COL4A6: variants seen among roughly 807,000 people sequenced by gnomAD.
COL4A6 encodes collagen type IV alpha 6 chain, also known as collagen alpha-6(IV) chain.
COL4A6 carries 59 observed loss-of-function variants against 126.7 expected under a neutral mutation model. The observed-to-expected ratio is 0.47, with a 90% CI of 0.38 to 0.58. The LOEUF (loss-of-function observed/expected upper bound fraction) is 0.58. Ranked by LOEUF, COL4A6 falls within the 20% of genes least tolerant of loss-of-function variation. The pLI is 0.00. For synonymous variants in COL4A6, 547 were observed against 496.6 expected, an observed-to-expected ratio of 1.10 and a Z score of -1.35; for missense variants, 1,285 against 1,337.3, an observed-to-expected ratio of 0.96 and a Z score of 0.61.
At chrX:108,181,346 G>A (rs1284229775) in intron 23 of COL4A6, among the ~76,000 whole-genome samples, 1 of 112,384 alleles carries the variant, frequency 8.9e-6, no homozygotes, top group Admixed American at 9.4e-5. Flanking sequence ...CCCTAGGATG[G>A]GTGTTGGGGG....
chrX:108,196,600 C>T, intron 13 of COL4A6, 21 bp from the exon 14 acceptor site: 1 of 1,150,750 alleles, frequency 8.7e-7, no homozygotes, highest in Non-Finnish European at 1.2e-6. Flanking sequence ...AAAGAAACCA[C>T]AAGTTATAAC....
At chrX:108,271,963 A>G (rs2037463576) in intron 3 of COL4A6, among the ~76,000 whole-genome samples, 1 of 112,136 alleles carries the variant, frequency 8.9e-6, no homozygotes, top group African/African-American at 3.2e-5. Context: ...TCTGAAAGCT[A>G]ATTAACCAGT....
chrX:108,204,991 A>T (rs1249828011), intron 11 of COL4A6, among the ~76,000 whole-genome samples: 1 of 108,575 alleles, frequency 9.2e-6, no homozygotes, highest in African/African-American at 3.4e-5. Context: ...TAGAGGAGAG[A>T]GAGAGAGATA....
chrX:108,409,971 T>C (rs2041293270), intron 2 of COL4A6, among the ~76,000 whole-genome samples: 1 of 111,716 alleles, frequency 9.0e-6, no homozygotes, highest in African/African-American at 3.3e-5. Context: ...GGAATCCTCC[T>C]CCTATCATCC....
At chrX:108,389,027 G>C (rs1223502949) in intron 2 of COL4A6, among the ~76,000 whole-genome samples, 2 of 111,901 alleles carry the variant, frequency 1.8e-5, no homozygotes, top group African/African-American at 6.5e-5. Flanking sequence ...GTGTGGTTTT[G>C]AGTGGGTTTC....
intron 2 of COL4A6, among the ~76,000 whole-genome samples, chrX:108,358,511 C>CA (rs2040007033): frequency 9.1e-6 from 1 of 109,312 alleles, no homozygotes; most frequent in South Asian, 4.1e-4. Context: ...TCTCCTGCCT[C>CA]AGCCTCCCGA....
intron 3 of COL4A6, among the ~76,000 whole-genome samples, chrX:108,284,335 A>G (rs2147820299): frequency 9.1e-6 from 1 of 110,419 alleles, no homozygotes; most frequent in Non-Finnish European, 1.9e-5. Flanking sequence ...GGGGAGGGAT[A>G]GCATTAGGAG....
intron 3 of COL4A6, among the ~76,000 whole-genome samples, chrX:108,260,398 A>G (rs962720086): frequency 7.2e-5 from 8 of 111,734 alleles, no homozygotes; most frequent in African/African-American, 2.6e-4. Context: ...CAAATCTCAT[A>G]TTGTAGCTCC....
intron 2 of COL4A6, among the ~76,000 whole-genome samples, chrX:108,382,454 A>G (rs1238909312): frequency 1.8e-5 from 2 of 111,520 alleles, no homozygotes; most frequent in African/African-American, 6.5e-5. Flanking sequence ...TAACCCCTAC[A>G]TTAATCTCTA....
At chrX:108,324,026 C>T (rs1198240485) in intron 2 of COL4A6, among the ~76,000 whole-genome samples, 1 of 112,122 alleles carries the variant, frequency 8.9e-6, no homozygotes, top group African/African-American at 3.2e-5. Context: ...AGCCTGTCTG[C>T]TAATTTATAA....
intron 2 of COL4A6, chrX:108,383,392 C>A: frequency 2.1e-6 from 1 of 467,851 alleles, no homozygotes; most frequent in Non-Finnish European, 4.0e-6. Context: ...GAAGTAAAAC[C>A]CTGACTCAAG....
intron 3 of COL4A6, among the ~76,000 whole-genome samples, chrX:108,253,323 T>C (rs965170330): frequency 8.9e-6 from 1 of 112,167 alleles, no homozygotes; most frequent in Non-Finnish European, 1.9e-5. Context: ...AAAATCTATC[T>C]TTTTAAAAAT....
At chrX:108,321,226 G>A (rs1453792758) in intron 2 of COL4A6, among the ~76,000 whole-genome samples, 1 of 111,980 alleles carries the variant, frequency 8.9e-6, no homozygotes, top group Non-Finnish European at 1.9e-5. Context: ...TTTTAAAGAT[G>A]AGGAAATGAA....
At chrX:108,167,055 A>G (rs1453164962) in intron 37 of COL4A6, among the ~76,000 whole-genome samples, 1 of 111,932 alleles carries the variant, frequency 8.9e-6, no homozygotes, top group East Asian at 2.8e-4. Flanking sequence ...TCTTAATTTT[A>G]TAATTACACT....
Position 108,438,323 on chromosome X carries a change from G to T in COL4A6, c.-127C>A, listed in dbSNP as rs1310730938. The T allele has an allele frequency of 9.2e-7, 1 of 1,090,550 alleles. No homozygotes were observed. The allele number at this position is 1,090,550 out of a possible 1,213,427, so 89.9% of individuals were successfully genotyped here. On this transcript the variant is annotated 5_prime_UTR_variant, in exon 1 of 45. Transcript: ENST00000334504. ...CAGAACAGAGTAGGTGGACGAAGTG[G>T]CCCAGTTTGGAAGAAACTAAACACT...
chrX:108,164,718 G>A lies in COL4A6; in HGVS notation c.3971-20C>T, dbSNP rs376143966. The stretch of plus-strand genomic sequence containing the variant: ...TCATGCCTGACAAAGCCCAAAGGAA[G>A]CAAGTCAGGTCCCGGCATGGTAGGG... On this transcript the variant is annotated intron_variant, in intron 39 of 44. Transcript: ENST00000334504. 8.3e-7 allele frequency: 1 copy of A among 1,205,359 alleles called. No homozygotes were observed. Among genetic ancestry groups the A allele is most frequent in the Admixed American group, 2.2e-5 (1 of 46,037 alleles).
At chrX:108,180,721 C>G in intron 24 of COL4A6, 99 bp from the exon 25 acceptor site, 1 of 792,102 alleles carries the variant, frequency 1.3e-6, no homozygotes, top group Non-Finnish European at 1.8e-6. Flanking sequence ...TGGAGAGCCT[C>G]TCCTTGTCTC....
chrX:108,240,904 C>T (rs2148319712), intron 3 of COL4A6, among the ~76,000 whole-genome samples: 1 of 111,560 alleles, frequency 9.0e-6, no homozygotes, highest in African/African-American at 3.3e-5. Flanking sequence ...CCCAAATTAA[C>T]TTATGAAAAA....
At chrX:108,317,418 GC>G (rs1240813112) in intron 2 of COL4A6, among the ~76,000 whole-genome samples, 3 of 112,190 alleles carry the variant, frequency 2.7e-5, no homozygotes, top group African/African-American at 9.7e-5. Context: ...CAAGGAAGAT[GC>G]CTTAGTCAGT....
Sources: gnomAD v4.1 joint callset for allele counts (sites outside exome capture counted in the v4.1 genomes callset) on GRCh38, gnomAD v4.1.1 for gene constraint, MANE v1.5 for transcripts, NCBI Gene and HGNC (gene_info 2026-07-23, HGNC 2026-07-21) for gene names.